Variants in PRKG1 observed in about 807,000 individuals in gnomAD.
PRKG1 encodes the protein cGMP-dependent protein kinase 1.
PRKG1 carries 35 observed loss-of-function variants against 88.1 expected under a neutral mutation model. The observed-to-expected ratio is 0.40, with a 90% confidence interval of 0.30 to 0.53. PRKG1 has a LOEUF of 0.53. PRKG1 is among the 20% of genes least tolerant of loss of function. The probability of loss-of-function intolerance (pLI) is 0.59; values close to 1 mark genes in which losing one functional copy is unlikely to be tolerated. For synonymous variants in PRKG1, 303 were observed against 292.5 expected (o/e 1.04, Z -0.37); for missense variants, 540 against 839.8 (o/e 0.64, Z 4.41).
At chr10:51,884,915 G>A (rs146524543) in intron 4 of PRKG1, among the ~76,000 whole-genome samples, 114 of 152,246 alleles carry the variant, frequency 7.5e-4, no homozygotes, top group Non-Finnish European at 1.2e-3. Context: ...GTGTTTGGAA[G>A]CATCTTTAAC....
intron 5 of PRKG1, among the ~76,000 whole-genome samples, chr10:51,926,048 A>G (rs1431247867): frequency 2.6e-5 from 4 of 152,180 alleles, no homozygotes; most frequent in African/African-American, 9.7e-5. Flanking sequence ...TCCATTGAGA[A>G]AAACATTTCC....
chr10:51,587,231 A>G (rs1481771139), intron 3 of PRKG1, among the ~76,000 whole-genome samples: 1 of 152,138 alleles, frequency 6.6e-6, no homozygotes, highest in African/African-American at 2.4e-5. Flanking sequence ...TCCAGAGAAA[A>G]TAACAATAAT....
At chr10:51,878,250 A>ATGTGTG (rs57901574) in intron 4 of PRKG1, among the ~76,000 whole-genome samples, 69,236 of 150,776 alleles carry the variant, frequency 0.46, 16,593 homozygotes, top group African/African-American at 0.52. Context: ...GTGTGAATAT[A>ATGTGTG]TGTGTGTGTG....
At chr10:51,544,447 G>A (rs941345069) in intron 3 of PRKG1, among the ~76,000 whole-genome samples, 38 of 152,010 alleles carry the variant, frequency 2.5e-4, no homozygotes, top group South Asian at 1.5e-3. Flanking sequence ...TCTTAATCCA[G>A]TCTATCATTG....
chr10:51,618,041 A>T (rs780977344), intron 3 of PRKG1, among the ~76,000 whole-genome samples: 2 of 152,220 alleles, frequency 1.3e-5, no homozygotes, highest in African/African-American at 4.8e-5. Context: ...TTGCAATTGT[A>T]TCTGTCCCAA....
At chr10:51,668,035 A>G (rs1840465941) in intron 3 of PRKG1, among the ~76,000 whole-genome samples, 1 of 152,006 alleles carries the variant, frequency 6.6e-6, no homozygotes, top group South Asian at 2.1e-4. Flanking sequence ...AGGTCAACAC[A>G]TTGCCTGGGG....
intron 5 of PRKG1, among the ~76,000 whole-genome samples, chr10:52,003,654 G>A (rs1844655859): frequency 6.6e-6 from 1 of 152,196 alleles, no homozygotes; most frequent in African/African-American, 2.4e-5. Flanking sequence ...CGAAGAGTCA[G>A]GAATATCCGT....
chr10:51,801,585 A>C (rs1839174928), intron 3 of PRKG1, among the ~76,000 whole-genome samples: 1 of 152,166 alleles, frequency 6.6e-6, no homozygotes, highest in South Asian at 2.1e-4. Context: ...TTGAGTCTAT[A>C]AGTGCATTAT....
Position 51,202,816 on chromosome 10 carries a change from G to A in PRKG1, c.478+49486G>A, listed in dbSNP as rs1837948258. Among the ~76,000 whole-genome samples, 3 of 152,346 alleles carry A rather than the reference G, an allele frequency of 2.0e-5. No individual in the cohort carries two copies. In the South Asian group the frequency reaches 6.2e-4, roughly 32 times the overall value. On this transcript the variant is annotated intron_variant, in intron 2 of 17. Coordinates refer to ENST00000373980, the MANE Select transcript of PRKG1 (RefSeq NM_006258.4). ...ATGGAGCCATAATGTGGCATGCCTT[G>A]AAAGCTAGGATAAGGTGTTTATTTT... is the stretch of plus-strand genomic sequence containing the variant.
intron 2 of PRKG1, among the ~76,000 whole-genome samples, chr10:51,235,177 TC>T (rs1198841434): frequency 6.6e-6 from 1 of 152,192 alleles, no homozygotes; most frequent in African/African-American, 2.4e-5. Context: ...AGCTTTCAAC[TC>T]CCTGGCCAAG....
intron 3 of PRKG1, among the ~76,000 whole-genome samples, chr10:51,656,136 A>T (rs914283494): frequency 2.6e-5 from 4 of 152,192 alleles, no homozygotes; most frequent in Non-Finnish European, 5.9e-5. Flanking sequence ...ATAATAGATT[A>T]TACAACTTTT....
intron 5 of PRKG1, among the ~76,000 whole-genome samples, chr10:51,959,850 C>G (rs1190117212): frequency 6.6e-6 from 1 of 152,010 alleles, no homozygotes; most frequent in African/African-American, 2.4e-5. Context: ...CTTGTGTTCT[C>G]TAAATTCATT....
chr10:52,005,752 CA>C (rs1844718077), intron 5 of PRKG1, among the ~76,000 whole-genome samples: 1 of 152,094 alleles, frequency 6.6e-6, no homozygotes, highest in South Asian at 2.1e-4. Flanking sequence ...TGGGCAGGTC[CA>C]CCAATCTTAC....
At chr10:51,055,278 A>G (rs1843612991) in intron 1 of PRKG1, among the ~76,000 whole-genome samples, 1 of 152,150 alleles carries the variant, frequency 6.6e-6, no homozygotes, top group African/African-American at 2.4e-5. Flanking sequence ...TTGCCATGCA[A>G]AATCAGAGTT....
chr10:51,556,899 AT>A (rs1837327459), intron 3 of PRKG1, among the ~76,000 whole-genome samples: 1 of 152,066 alleles, frequency 6.6e-6, no homozygotes, highest in South Asian at 2.1e-4. Flanking sequence ...TAAAGAAAAC[AT>A]ATTTCTAGAA....
chr10:52,272,317 TG>T, intron 11 of PRKG1, 74 bp from the exon 12 acceptor site: 2 of 1,147,176 alleles, frequency 1.7e-6, no homozygotes, highest in Non-Finnish European at 2.5e-6. Context: ...AACTATAATC[TG>T]GGCCCCCCAA....
At chr10:51,897,606 T>G (rs1337860557) in intron 4 of PRKG1, among the ~76,000 whole-genome samples, 1 of 152,184 alleles carries the variant, frequency 6.6e-6, no homozygotes, top group Non-Finnish European at 1.5e-5. Context: ...TATTTAAAAA[T>G]TAAATTGTTT....
chr10:51,084,610 G>T (rs1844202488), intron 1 of PRKG1, among the ~76,000 whole-genome samples: 1 of 152,046 alleles, frequency 6.6e-6, no homozygotes, highest in Admixed American at 6.5e-5. Context: ...CTTATGCTTT[G>T]GCTGGGCATA....
intron 2 of PRKG1, among the ~76,000 whole-genome samples, chr10:51,372,544 G>T (rs1025327711): frequency 6.6e-6 from 1 of 152,082 alleles, no homozygotes; most frequent in Admixed American, 6.6e-5. Context: ...ACTATGATGA[G>T]TAAAGTGGAA....
Sources: gnomAD v4.1 joint callset for allele counts (sites outside exome capture counted in the v4.1 genomes callset) on GRCh38, gnomAD v4.1.1 for gene constraint, MANE v1.5 for transcripts, NCBI Gene and HGNC (gene_info 2026-07-23, HGNC 2026-07-21) for gene names.